The following FGF13 variants were observed in gnomAD, a reference collection of about 807,000 sequenced individuals.
FGF13 encodes the protein fibroblast growth factor homologous factor 2.
In FGF13, 2 loss-of-function variants were observed where a neutral mutation model predicts 19.5. That is an observed-to-expected ratio of 0.10 (90% CI 0.04 to 0.32). The LOEUF (loss-of-function observed/expected upper bound fraction) is 0.32, where lower values mean the gene tolerates loss of function less well. Ranked by LOEUF, FGF13 falls within the 10% of genes least tolerant of loss-of-function variation. The pLI is 1.00. For missense variants in FGF13, 113 were observed against 192.7 expected, an observed-to-expected ratio of 0.59 and a Z score of 2.45; for synonymous variants, 72 against 76.9, an observed-to-expected ratio of 0.94 and a Z score of 0.33.
chrX:139,054,861 A>AGTGTTGTGTTGTGTTGTGTT lies in FGF13; in HGVS notation c.-113+148535_-113+148554dup, dbSNP rs57605613. 2.1e-3 allele frequency among the ~76,000 whole-genome samples: 174 copies of AGTGTTGTGTTGTGTTGTGTT among 81,941 alleles called. 1 individual carries two copies. Among genetic ancestry groups the AGTGTTGTGTTGTGTTGTGTT allele is most frequent in the African/African-American group, 7.2e-3 (145 of 20,157 alleles). The allele number at this position is 81,941 out of a possible 115,157, so 71.2% of individuals were successfully genotyped here. ...ACCTCCTTGGTTAGGTATATTCCTA[A>AGTGTTGTGTTGTGTTGTGTT]GTGTTGTGTTGTGTTGTGTTGTGTT... On this transcript the variant is annotated intron_variant, in intron 1 of 2. Transcript: ENST00000421460.
upstream of FGF13, among the ~76,000 whole-genome samples, chrX:138,740,411 T>G (rs2090311101): frequency 8.9e-6 from 1 of 112,064 alleles, no homozygotes. Flanking sequence ...AACTTACATA[T>G]TTTTTCATAA....
At chrX:139,119,920 C>T (rs1423889478) in intron 1 of FGF13, among the ~76,000 whole-genome samples, 2 of 112,339 alleles carry the variant, frequency 1.8e-5, no homozygotes, top group Non-Finnish European at 3.8e-5. Context: ...TATGGTTTGG[C>T]TCTGTGTCCC....
intron 1 of FGF13, among the ~76,000 whole-genome samples, chrX:138,710,316 A>C (rs1292308533): frequency 2.0e-5 from 2 of 100,051 alleles, no homozygotes; most frequent in Non-Finnish European, 4.0e-5. Context: ...CAAAAAGCTT[A>C]AAAGTCATCA....
chrX:138,641,344 T>A (rs1420838113), intron 3 of FGF13, among the ~76,000 whole-genome samples: 1 of 111,674 alleles, frequency 9.0e-6, no homozygotes, highest in East Asian at 2.8e-4. Flanking sequence ...TCTCCTCTCT[T>A]CCAGTCACAT....
chrX:138,890,906 A>C (rs2091473471), intron 1 of FGF13, among the ~76,000 whole-genome samples: 1 of 112,043 alleles, frequency 8.9e-6, no homozygotes, highest in Non-Finnish European at 1.9e-5. Context: ...TGCTGTTGTC[A>C]TTTCTGTTAA....
intron 1 of FGF13, 94 bp from the exon 2 acceptor site, chrX:138,709,022 C>A: frequency 2.1e-6 from 1 of 476,580 alleles, no homozygotes. Flanking sequence ...ATTTACAAAT[C>A]TTAATGGAAA....
chrX:138,683,656 T>C (rs770168848), intron 3 of FGF13, among the ~76,000 whole-genome samples: 5 of 111,614 alleles, frequency 4.5e-5, no homozygotes, highest in African/African-American at 1.6e-4. Flanking sequence ...TTTAGAAATA[T>C]CTAGTTATAT....
intron 3 of FGF13, among the ~76,000 whole-genome samples, chrX:138,695,061 G>A (rs762688395): frequency 9.5e-5 from 10 of 105,323 alleles, no homozygotes; most frequent in Non-Finnish European, 1.4e-4. Context: ...GTTATACAGG[G>A]GAAAATGAGA....
At chrX:139,190,697 T>C (rs61110117) in intron 1 of FGF13, among the ~76,000 whole-genome samples, 226 of 112,426 alleles carry the variant, frequency 2.0e-3, no homozygotes, top group African/African-American at 6.9e-3. Context: ...CTTAATACCA[T>C]AGAACTGGAT....
intron 3 of FGF13, among the ~76,000 whole-genome samples, chrX:138,840,566 A>G (rs1041508614): frequency 8.9e-6 from 1 of 111,851 alleles, no homozygotes; most frequent in East Asian, 2.8e-4. Flanking sequence ...AGGGAAAGTG[A>G]AAACAGATGT....
rs182862475 is a variant in FGF13 at position 138,904,035 on chromosome X, T to C, written c.-112-39385A>G. Among the ~76,000 whole-genome samples, 247 of 112,044 alleles carry C rather than the reference T, an allele frequency of 2.2e-3. 1 individual carries two copies. Among genetic ancestry groups the C allele is most frequent in the African/African-American group, 7.7e-3 (239 of 30,869 alleles). On this transcript the variant is annotated intron_variant, in intron 1 of 2. Transcript: ENST00000421460. The stretch of plus-strand genomic sequence containing the variant: ...AGGTGAAAGTTTCTAGCTATATATA[T>C]ATTTTAAAGTCTTCTTTCCATTTGG...
At chrX:139,105,706 CTATT>C (rs2083554634) in intron 1 of FGF13, among the ~76,000 whole-genome samples, 1 of 112,268 alleles carries the variant, frequency 8.9e-6, no homozygotes, top group African/African-American at 3.2e-5. Flanking sequence ...TAAATATTCA[CTATT>C]TATTTAGTAG....
chrX:139,037,040 G>A (rs1202428567), intron 1 of FGF13, among the ~76,000 whole-genome samples: 2 of 110,905 alleles, frequency 1.8e-5, no homozygotes, highest in African/African-American at 6.6e-5. Context: ...GTCAGATCAA[G>A]CAATAGAATC....
intron 3 of FGF13, among the ~76,000 whole-genome samples, chrX:138,820,182 G>A (rs2090989216): frequency 8.9e-6 from 1 of 111,957 alleles, no homozygotes; most frequent in Non-Finnish European, 1.9e-5. Flanking sequence ...CTAACAATAA[G>A]GTAAATATCA....
In FGF13 at chrX:138,817,989, G is replaced by T. The variant is rs139675350; in HGVS notation, c.217+39523C>A. On this transcript the variant is annotated intron_variant, in intron 3 of 6. Transcript: ENST00000436198. ...TATTACCAAAACATACAGTGGGTGA[G>T]ATCAGGCTTTTGGGCCACAGTTTGC... 2.5e-3 allele frequency among the ~76,000 whole-genome samples: 284 copies of T among 111,551 alleles called. 3 individuals carry two copies. The highest frequency in any genetic ancestry group is 9.0e-3 in the African/African-American group (277 of 30,670).
chrX:139,189,264 T>C (rs2084304973), intron 1 of FGF13, among the ~76,000 whole-genome samples: 1 of 111,509 alleles, frequency 9.0e-6, no homozygotes, highest in African/African-American at 3.3e-5. Flanking sequence ...TTAATAATCT[T>C]AGACTAAAGA....
chrX:139,180,172 C>A (rs1569461722), intron 1 of FGF13, among the ~76,000 whole-genome samples: 1 of 112,139 alleles, frequency 8.9e-6, no homozygotes, highest in Non-Finnish European at 1.9e-5. Context: ...CCACCCTTGG[C>A]ATGTCTCCTC....
intron 1 of FGF13, among the ~76,000 whole-genome samples, chrX:138,992,087 T>C (rs2124348431): frequency 1.3e-5 from 1 of 78,628 alleles, no homozygotes; most frequent in African/African-American, 4.4e-5. Flanking sequence ...GGGACATCTT[T>C]ACATATACAC....
At chrX:138,897,368 T>C (rs899013458) in intron 1 of FGF13, among the ~76,000 whole-genome samples, 7 of 110,928 alleles carry the variant, frequency 6.3e-5, no homozygotes, top group African/African-American at 2.3e-4. Flanking sequence ...TTGGCTTGCA[T>C]ATTGGAAGGG....
Sources: allele counts gnomAD v4.1 joint callset (sites outside exome capture counted in the v4.1 genomes callset), GRCh38; gene constraint gnomAD v4.1.1; transcripts MANE v1.5; gene names NCBI Gene and HGNC (gene_info 2026-07-23, HGNC 2026-07-21).